PACRGL: variants seen among roughly 807,000 people sequenced by gnomAD.
PACRGL encodes parkin coregulated like, also known as PACRG-like protein.
In PACRGL, 38 loss-of-function variants were observed where a neutral mutation model predicts 34.5. That is an observed-to-expected ratio of 1.10 (90% CI 0.85 to 1.44). PACRGL has a LOEUF of 1.44. Among genes scored for constraint, PACRGL ranks in the 40% most tolerant of loss-of-function variants. PACRGL has a pLI of 0.00. For synonymous variants in PACRGL, 128 were observed against 100.1 expected, an observed-to-expected ratio of 1.28 and a Z score of -1.66; for missense variants, 305 against 281.4, an observed-to-expected ratio of 1.08 and a Z score of -0.60.
chr4:20,708,466 A>C (rs187347437), intron 4 of PACRGL, among the ~76,000 whole-genome samples: 13 of 152,288 alleles, frequency 8.5e-5, no homozygotes, highest in African/African-American at 3.1e-4. Flanking sequence ...TTTTGTTCCA[A>C]AATTCAAGAA....
chr4:20,758,178 G>GA, the PACRGL span, among the ~76,000 whole-genome samples: 3 of 152,262 alleles, frequency 2.0e-5, no homozygotes, highest in East Asian at 5.8e-4. Flanking sequence ...CCAATGGCAA[G>GA]AATATCTTTT....
In PACRGL at chr4:20,724,795, C is replaced by T; in HGVS notation, c.610-13C>T. 1 of 1,444,094 alleles carries T rather than the reference C, an allele frequency of 6.9e-7. No individual in the cohort carries two copies. Among genetic ancestry groups the T allele is most frequent in the Non-Finnish European group, 9.1e-7 (1 of 1,098,590 alleles). The allele number at this position is 1,444,094 out of a possible 1,614,324, so 89.5% of individuals were successfully genotyped here. A position where few individuals can be genotyped will look rare whatever the true frequency, so the allele number is the denominator to read the frequency against. Reference sequence around the variant, plus strand: ...TAAAGTCATTTCGTTTCCCCCTAATCTTACTTTAAAAGCTTTCCAAGAGAT... The same window carrying T: ...TAAAGTCATTTCGTTTCCCCCTAATTTTACTTTAAAAGCTTTCCAAGAGAT... On this transcript the variant is annotated splice_polypyrimidine_tract_variant and intron_variant, in intron 7 of 8. Coordinates refer to ENST00000503585, the MANE Select transcript of PACRGL (RefSeq NM_001258345.3).
rs1219074089 is a variant in PACRGL, at chr4:20,731,337, G to A, written c.*3996G>A. The A allele has an allele frequency of 1.1e-6, 1 of 937,260 alleles. No individual in the cohort carries two copies. 58.1% of individuals were successfully genotyped at this position (937,260 alleles called of 1,614,324 possible). On this transcript the variant is annotated 3_prime_UTR_variant, in exon 9 of 9. Transcript: ENST00000503585. The stretch of plus-strand genomic sequence containing the variant: ...TATCTTCCCGCCTCAGCCTCCCATA[G>A]TGCTGGGATTACAGTTGTGAGCTAC...
rs1265442220 is a variant in PACRGL at position 20,729,547 on chromosome 4, G to A, written c.*2206G>A. ...ACTAATTTCTAACAGAAGGTGGGAA[G>A]GCCATAGAAACTGGAACTATGTGTT... On this transcript the variant is annotated 3_prime_UTR_variant, in exon 9 of 9. Coordinates refer to ENST00000503585, the MANE Select transcript of PACRGL (RefSeq NM_001258345.3). 6.8e-6 allele frequency: 1 copy of A among 147,922 alleles called. No homozygotes were observed. Among genetic ancestry groups the A allele is most frequent in the Non-Finnish European group, 1.5e-5 (1 of 66,490 alleles). 9.2% of individuals were successfully genotyped at this position (147,922 alleles called of 1,614,324 possible).
intron 8 of PACRGL, among the ~76,000 whole-genome samples, chr4:20,741,125 G>C (rs1475125376): frequency 6.6e-6 from 1 of 152,066 alleles, no homozygotes; most frequent in Non-Finnish European, 1.5e-5. Context: ...AATAATGGGA[G>C]GCTTTAACAC....
chr4:20,750,087 A>T (rs796822158), intron 8 of PACRGL, among the ~76,000 whole-genome samples: 2 of 152,216 alleles, frequency 1.3e-5, no homozygotes, highest in East Asian at 1.9e-4. Flanking sequence ...CCATCTCTAG[A>T]AGTAAAGTAC....
chr4:20,696,548 A>G (rs915753376), upstream of PACRGL: 3 of 152,216 alleles, frequency 2.0e-5, no homozygotes, highest in African/African-American at 7.2e-5. Flanking sequence ...GAATACTACT[A>G]TGAACCATAA....
rs1046136347 is a variant in PACRGL at position 20,728,338 on chromosome 4, T to C, written c.*997T>C. 2.0e-5 allele frequency: 3 copies of C among 152,126 alleles called. No individual in the cohort carries two copies. The highest frequency in any genetic ancestry group is 6.6e-5 in the Admixed American group (1 of 15,262). 9.4% of individuals were successfully genotyped at this position (152,126 alleles called of 1,614,324 possible). On this transcript the variant is annotated 3_prime_UTR_variant, in exon 9 of 9. Transcript: ENST00000503585. ...ACTTAAAGATATTCAGCAATTAAAATGTTAAAACTTGTACATGCATTCATT... is the reference window on the plus strand; with the variant it reads ...ACTTAAAGATATTCAGCAATTAAAACGTTAAAACTTGTACATGCATTCATT...
downstream of PACRGL, among the ~76,000 whole-genome samples, chr4:20,757,340 A>G (rs1754566986): frequency 6.6e-6 from 1 of 152,198 alleles, no homozygotes; most frequent in Non-Finnish European, 1.5e-5. Context: ...CCCTGCCTGC[A>G]GTATTGCTGA....
chr4:20,734,774 T>TAAAAAAACAAAAACA, downstream of PACRGL: 2 of 1,290,954 alleles, frequency 1.5e-6, no homozygotes, highest in Non-Finnish European at 2.2e-6. Context: ...ATGACATTTT[T>TAAAAAAACAAAAACA]AAAAAAACAA....
intron 1 of PACRGL, 83 bp from the exon 2 acceptor site, chr4:20,704,383 C>T (rs900540935): frequency 1.6e-5 from 20 of 1,275,148 alleles, no homozygotes; most frequent in African/African-American, 3.0e-5. Context: ...ATTGTATACT[C>T]TGTTCTGGTT....
Position 20,729,424 on chromosome 4 carries a change from T to TTATTAAAATAAGTTTTATTAGGCA in PACRGL, c.*2087_*2110dup, listed in dbSNP as rs1747197644. 6.6e-6 allele frequency: 1 copy of TTATTAAAATAAGTTTTATTAGGCA among 152,280 alleles called. No individual in the cohort carries two copies. Among genetic ancestry groups the TTATTAAAATAAGTTTTATTAGGCA allele is most frequent in the African/African-American group, 2.4e-5 (1 of 41,318 alleles). The allele number at this position is 152,280 out of a possible 1,614,324, so 9.4% of individuals were successfully genotyped here. A position where few individuals can be genotyped will look rare whatever the true frequency, so the allele number is the denominator to read the frequency against. On this transcript the variant is annotated 3_prime_UTR_variant, in exon 9 of 9. Coordinates refer to ENST00000503585, the MANE Select transcript of PACRGL (RefSeq NM_001258345.3). ...TAACATATTATGGAAAATTAAATGC[T>TTATTAAAATAAGTTTTATTAGGCA]TATTAAAATAAGTTTTATTAGGCAT... is the stretch of plus-strand genomic sequence containing the variant.
At chr4:20,715,025 AAATGTCCAAC>A (rs1739175048) in intron 7 of PACRGL, among the ~76,000 whole-genome samples, 1 of 152,222 alleles carries the variant, frequency 6.6e-6, no homozygotes, top group Non-Finnish European at 1.5e-5. Flanking sequence ...GAACCAACCC[AAATGTCCAAC>A]AATGGTAGAC....
intron 1 of PACRGL, chr4:20,702,341 A>G (rs1732558902): frequency 2.4e-5 from 9 of 373,846 alleles, no homozygotes; most frequent in Admixed American, 2.3e-4. Flanking sequence ...TTAACAATTG[A>G]TGATCAAGAG....
Position 20,731,552 on chromosome 4 carries a change from C to T in PACRGL, c.*4211C>T. 1.0e-6 allele frequency: 1 copy of T among 985,332 alleles called. No homozygotes were observed. Among genetic ancestry groups the T allele is most frequent in the African/African-American group, 1.7e-5 (1 of 57,320 alleles). 61.0% of individuals were successfully genotyped at this position (985,332 alleles called of 1,614,324 possible). ...GTTCAGTCAAAGAGCCATTTCTTGT[C>T]CACATACACTAAAACAATGACTTTT... On this transcript the variant is annotated 3_prime_UTR_variant, in exon 9 of 9. Transcript: ENST00000503585.
intron 8 of PACRGL, among the ~76,000 whole-genome samples, chr4:20,744,284 A>G (rs970942463): frequency 1.8e-4 from 28 of 152,244 alleles, no homozygotes; most frequent in Admixed American, 1.8e-3. Flanking sequence ...ATTATAAATC[A>G]TGCTGCTTTA....
At chr4:20,743,417 CAG>C (rs1751647815) in intron 8 of PACRGL, among the ~76,000 whole-genome samples, 1 of 152,120 alleles carries the variant, frequency 6.6e-6, no homozygotes, top group African/African-American at 2.4e-5. Context: ...GGTACCAAAA[CAG>C]AGATATAGAC....
downstream of PACRGL, chr4:20,734,723 C>T: frequency 6.4e-7 from 1 of 1,560,888 alleles, no homozygotes; most frequent in Non-Finnish European, 8.7e-7. Flanking sequence ...ATGGAAAGAC[C>T]TTTGATGAAA....
the PACRGL span, among the ~76,000 whole-genome samples, chr4:20,765,085 T>C: frequency 6.6e-6 from 1 of 151,650 alleles, no homozygotes; most frequent in Non-Finnish European, 1.5e-5. Context: ...TAAGTAGTTA[T>C]TTAATGCCTT....
Sources: gnomAD v4.1 joint callset for allele counts (sites outside exome capture counted in the v4.1 genomes callset) on GRCh38, gnomAD v4.1.1 for gene constraint, MANE v1.5 for transcripts, NCBI Gene and HGNC (gene_info 2026-07-23, HGNC 2026-07-21) for gene names.